Variants in RANBP17 observed in about 807,000 individuals in gnomAD.
The protein encoded by RANBP17 is RAN binding protein 17.
RANBP17 carries 158 observed loss-of-function variants against 141.2 expected under a neutral mutation model. The ratio of observed to expected loss-of-function variants is 1.12; its 90% CI spans 0.98 to 1.28. The LOEUF is 1.28. RANBP17 is among the 50% of genes most tolerant of loss of function. RANBP17 has a pLI of 0.00. For synonymous variants in RANBP17, 430 were observed against 450.0 expected, an observed-to-expected ratio of 0.96 and a Z score of 0.56; for missense variants, 1,438 against 1,290.7, an observed-to-expected ratio of 1.11 and a Z score of -1.75.
chr5:171,268,470 A>G (rs1024776942), intron 25 of RANBP17, among the ~76,000 whole-genome samples: 6 of 152,164 alleles, frequency 3.9e-5, no homozygotes, highest in Non-Finnish European at 8.8e-5. Flanking sequence ...CAAGGTGAGG[A>G]TAATATCTCA....
chr5:171,230,177 CTTGAGAAGTA>C (rs1383778892), intron 22 of RANBP17, among the ~76,000 whole-genome samples: 1 of 152,096 alleles, frequency 6.6e-6, no homozygotes, highest in Non-Finnish European at 1.5e-5. Context: ...ATGTGTTATC[CTTGAGAAGTA>C]TTTAGAGTGC....
intron 14 of RANBP17, among the ~76,000 whole-genome samples, chr5:171,157,653 C>G (rs1759003167): frequency 6.6e-6 from 1 of 152,190 alleles, no homozygotes; most frequent in Non-Finnish European, 1.5e-5. Context: ...AAGGAAACAT[C>G]TGTATGATAG....
intron 14 of RANBP17, among the ~76,000 whole-genome samples, chr5:171,022,482 C>T (rs535012559): frequency 3.3e-5 from 5 of 152,350 alleles, no homozygotes; most frequent in African/African-American, 1.2e-4. Flanking sequence ...GTCCCTGACC[C>T]TCTGGCTGGA....
chr5:171,099,735 G>A (rs948162813), intron 14 of RANBP17, among the ~76,000 whole-genome samples: 50 of 152,100 alleles, frequency 3.3e-4, no homozygotes, highest in Non-Finnish European at 6.8e-4. Context: ...TATTGGCTGT[G>A]GGTTTGTCAT....
chr5:171,019,696 T>G (rs531178370), intron 14 of RANBP17, among the ~76,000 whole-genome samples: 1 of 152,108 alleles, frequency 6.6e-6, no homozygotes, highest in Non-Finnish European at 1.5e-5. Context: ...TTGTTAATTT[T>G]TTTTTTTAAA....
intron 14 of RANBP17, among the ~76,000 whole-genome samples, chr5:171,016,494 A>G (rs928665195): frequency 2.0e-5 from 3 of 151,610 alleles, no homozygotes; most frequent in Non-Finnish European, 4.4e-5. Flanking sequence ...TTTGTTTTCT[A>G]TTTATCCCAT....
chr5:171,270,313 T>C (rs1767009916), intron 25 of RANBP17, among the ~76,000 whole-genome samples: 1 of 152,324 alleles, frequency 6.6e-6, no homozygotes. Flanking sequence ...TGAAGATCCA[T>C]TGTAAGTAAG....
intron 16 of RANBP17, among the ~76,000 whole-genome samples, chr5:171,182,916 C>T (rs960914370): frequency 6.6e-6 from 1 of 152,048 alleles, no homozygotes; most frequent in African/African-American, 2.4e-5. Flanking sequence ...TAAAGGAGTT[C>T]TTGTCTTAAT....
At chr5:171,148,711 C>T (rs1282455859) in intron 14 of RANBP17, among the ~76,000 whole-genome samples, 2 of 152,002 alleles carry the variant, frequency 1.3e-5, no homozygotes, top group Admixed American at 6.6e-5. Context: ...TAAGTCCCAG[C>T]CCTGTCACGT....
At chr5:171,004,014 C>G (rs570686683) in intron 14 of RANBP17, among the ~76,000 whole-genome samples, 1 of 152,064 alleles carries the variant, frequency 6.6e-6, no homozygotes, top group Admixed American at 6.6e-5. Context: ...AAGAGTTGTC[C>G]GGTTTTTGAA....
chr5:170,980,452 A>G (rs1305021671), intron 14 of RANBP17, among the ~76,000 whole-genome samples: 3 of 152,138 alleles, frequency 2.0e-5, no homozygotes, highest in Non-Finnish European at 2.9e-5. Flanking sequence ...GCCTAGGAAG[A>G]AAAAATGGTT....
chr5:171,226,266 C>T (rs759306990), intron 22 of RANBP17, among the ~76,000 whole-genome samples: 3 of 152,126 alleles, frequency 2.0e-5, no homozygotes, highest in African/African-American at 7.2e-5. Flanking sequence ...CTTTCCTTCT[C>T]TTTGCCTCTG....
At chr5:171,088,837 T>C (rs1785930745) in intron 14 of RANBP17, among the ~76,000 whole-genome samples, 1 of 152,190 alleles carries the variant, frequency 6.6e-6, no homozygotes, top group Non-Finnish European at 1.5e-5. Context: ...TACTTCTCTT[T>C]ATTGGTTATT....
At chr5:170,887,726 AAAG>A (rs1319287877) in intron 3 of RANBP17, among the ~76,000 whole-genome samples, 1 of 152,150 alleles carries the variant, frequency 6.6e-6, no homozygotes, top group African/African-American at 2.4e-5. Context: ...ATTTATCAAA[AAAG>A]AAATGTATTT....
chr5:170,883,438 T>C (rs9313527), intron 3 of RANBP17, among the ~76,000 whole-genome samples: 96,022 of 152,068 alleles, frequency 0.63, 31,277 homozygotes, highest in South Asian at 0.9. Context: ...CCTACATTGA[T>C]ACATCATCAT....
intron 18 of RANBP17, among the ~76,000 whole-genome samples, chr5:171,194,703 A>T (rs772512844): frequency 6.6e-6 from 1 of 152,214 alleles, no homozygotes; most frequent in Admixed American, 6.5e-5. Context: ...AAATATTTAC[A>T]GTTTTCTTGG....
At chr5:171,276,306 C>T (rs957844649) in intron 25 of RANBP17, among the ~76,000 whole-genome samples, 1 of 152,134 alleles carries the variant, frequency 6.6e-6, no homozygotes, top group Non-Finnish European at 1.5e-5. Context: ...AAATAGAAAG[C>T]ATTTCAGGGG....
chr5:170,969,621 A>C (rs1191195935), intron 14 of RANBP17, among the ~76,000 whole-genome samples: 1 of 151,758 alleles, frequency 6.6e-6, no homozygotes, highest in Non-Finnish European at 1.5e-5. Flanking sequence ...AAATCAAAAC[A>C]GTATAATATG....
intron 13 of RANBP17, among the ~76,000 whole-genome samples, chr5:170,960,437 A>G (rs1776046735): frequency 6.6e-6 from 1 of 152,182 alleles, no homozygotes; most frequent in Admixed American, 6.5e-5. Flanking sequence ...TCCATCACCT[A>G]ACCCTGGCTC....
Sources: gnomAD v4.1 joint callset for allele counts (sites outside exome capture counted in the v4.1 genomes callset) on GRCh38, gnomAD v4.1.1 for gene constraint, MANE v1.5 for transcripts, NCBI Gene and HGNC (gene_info 2026-07-23, HGNC 2026-07-21) for gene names.